TMEM254: variants seen among roughly 807,000 people sequenced by gnomAD.
The protein encoded by TMEM254 is transmembrane protein C10orf57.
TMEM254 carries 16 observed loss-of-function variants against 13.9 expected under a neutral mutation model. That is an observed-to-expected ratio of 1.15 (90% CI 0.78 to 1.75). The LOEUF is 1.75. Ranked by LOEUF, TMEM254 falls within the 40% of genes most tolerant of loss-of-function variation. TMEM254 has a pLI of 0.00. For synonymous variants in TMEM254, 61 were observed against 56.4 expected (o/e 1.08, Z -0.36); for missense variants, 155 against 149.0 (o/e 1.04, Z -0.21).
At chr10:80,079,306 A>C (rs973365947) in intron 1 of TMEM254, 8 of 1,201,770 alleles carry the variant, frequency 6.7e-6, no homozygotes, top group Non-Finnish European at 8.5e-6. Context: ...TCGGTTACTC[A>C]TGTAAGCGGA....
chr10:80,087,792 G>T (rs1844387369), intron 3 of TMEM254, among the ~76,000 whole-genome samples: 1 of 152,080 alleles, frequency 6.6e-6, no homozygotes, highest in African/African-American at 2.4e-5. Flanking sequence ...CTCTTCAAAT[G>T]GGCTGTCTGT....
chr10:80,088,829 C>T (rs1844441077), intron 3 of TMEM254, among the ~76,000 whole-genome samples: 1 of 151,342 alleles, frequency 6.6e-6, no homozygotes, highest in African/African-American at 2.4e-5. Flanking sequence ...AACTCCTGGG[C>T]TCAAGCGATC....
chr10:80,090,559 T>C, intron 3 of TMEM254: 1 of 647,772 alleles, frequency 1.5e-6, no homozygotes, highest in Middle Eastern at 2.7e-4. Context: ...TACTGTGCCC[T>C]AGACAGTAGC....
intron 3 of TMEM254, chr10:80,086,094 T>C (rs1188465432): frequency 1.1e-5 from 5 of 468,106 alleles, no homozygotes; most frequent in Non-Finnish European, 1.8e-5. Context: ...GTATCAGAGG[T>C]AACATTTTTT....
intron 1 of TMEM254, 23 bp from the exon 2 acceptor site, chr10:80,081,818 C>G (rs371644463): frequency 1.1e-5 from 18 of 1,613,914 alleles, no homozygotes; most frequent in Middle Eastern, 1.7e-4. Flanking sequence ...AATAGGTATT[C>G]TGTGTCTCTG....
At position 80,091,178 on chromosome 10, in the gene TMEM254, C is replaced by T. The variant is rs1844562913; in HGVS notation, c.*261C>T. ...TTTGGCAGAGGACTTCAGCTACCTT[C>T]TTACAGTCTTTGGCTGTGTTGGTAC... is the stretch of plus-strand genomic sequence containing the variant. On this transcript the variant is annotated 3_prime_UTR_variant, in exon 4 of 4. Transcript: ENST00000372281. 2 of 335,324 alleles carry T rather than the reference C, an allele frequency of 6.0e-6. No individual in the cohort carries two copies. Among genetic ancestry groups the T allele is most frequent in the African/African-American group, 4.3e-5 (2 of 46,452 alleles). 20.8% of individuals were successfully genotyped at this position (335,324 alleles called of 1,614,324 possible).
intron 1 of TMEM254, among the ~76,000 whole-genome samples, chr10:80,080,869 C>A (rs532536224): frequency 1.4e-4 from 21 of 152,136 alleles, no homozygotes; most frequent in Non-Finnish European, 2.6e-4. Flanking sequence ...CACCTGATGT[C>A]AGGAGTTGGA....
intron 3 of TMEM254, among the ~76,000 whole-genome samples, chr10:80,088,756 A>G (rs1281054880): frequency 7.4e-6 from 1 of 135,564 alleles, no homozygotes; most frequent in Non-Finnish European, 1.6e-5. Context: ...CGACAGAGCA[A>G]GACTCCGTCT....
chr10:80,089,613 G>A (rs1161409036), intron 3 of TMEM254, among the ~76,000 whole-genome samples: 3 of 152,164 alleles, frequency 2.0e-5, no homozygotes, highest in African/African-American at 4.8e-5. Context: ...AGGAGTTTGA[G>A]GCTGCAGTGA....
At chr10:80,079,839 C>A in intron 1 of TMEM254, 1 of 386,236 alleles carries the variant, frequency 2.6e-6, no homozygotes, top group Non-Finnish European at 3.5e-6. Flanking sequence ...TTACCTGTAG[C>A]TGGGATTACA....
At chr10:80,079,043 T>C in intron 1 of TMEM254, 7 of 1,498,470 alleles carry the variant, frequency 4.7e-6, no homozygotes, top group Non-Finnish European at 6.3e-6. Flanking sequence ...CGGGGACGGC[T>C]GGGGAGCTCC....
intron 3 of TMEM254, among the ~76,000 whole-genome samples, chr10:80,088,366 G>T (rs919726367): frequency 6.6e-6 from 1 of 151,944 alleles, no homozygotes; most frequent in African/African-American, 2.4e-5. Flanking sequence ...AAAAAATAAA[G>T]ATGTTGAGAT....
chr10:80,085,870 T>G (rs1450981354), intron 3 of TMEM254, among the ~76,000 whole-genome samples: 2 of 152,212 alleles, frequency 1.3e-5, no homozygotes, highest in African/African-American at 4.8e-5. Context: ...AATATATGGC[T>G]TATTCTCTTA....
chr10:80,087,488 CAA>C (rs34380847), intron 3 of TMEM254, among the ~76,000 whole-genome samples: 4 of 136,012 alleles, frequency 2.9e-5, no homozygotes, highest in African/African-American at 5.5e-5. Flanking sequence ...ACTAAAAATA[CAA>C]AAAAAAAAAA....
intron 1 of TMEM254, 125 bp downstream of exon 1, chr10:80,078,911 C>T (rs1220532449): frequency 1.3e-6 from 2 of 1,523,934 alleles, no homozygotes; most frequent in Non-Finnish European, 1.8e-6. Flanking sequence ...CTCCCGCGCG[C>T]TAGGAGCGGA....
At chr10:80,079,884 C>G (rs1306285457) in intron 1 of TMEM254, among the ~76,000 whole-genome samples, 1 of 152,266 alleles carries the variant, frequency 6.6e-6, no homozygotes, top group South Asian at 2.1e-4. Context: ...TTTTAGTAGA[C>G]ATGGGTATTG....
chr10:80,090,971 G>A lies in TMEM254; in HGVS notation c.*54G>A, dbSNP rs906840212. The A allele has an allele frequency of 5.0e-5, 80 of 1,597,006 alleles. 1 individual carries two copies. Among genetic ancestry groups the A allele is most frequent in the Middle Eastern group, 3.3e-4 (2 of 5,998 alleles). On this transcript the variant is annotated 3_prime_UTR_variant, in exon 4 of 4. Coordinates refer to ENST00000372281, the MANE Select transcript of TMEM254 (RefSeq NM_025125.4). ...TACATTCATCCTCACCCTTTTTTTT[G>A]TGGGGTAGAGGAGGTGCAGTAATTT...
Position 80,090,808 on chromosome 10 carries a change from T to A in TMEM254, c.263T>A (p.Ile88Asn). 1 of 1,613,596 alleles carries A rather than the reference T, an allele frequency of 6.2e-7. No individual in the cohort carries two copies. Among genetic ancestry groups the A allele is most frequent in the Non-Finnish European group, 8.5e-7 (1 of 1,179,888 alleles). ...TTTTTCTGTTTTAGGCATAAAGGCA[T>A]CACAAGTGGTCGGGCTCAGCTACTC... ...YAIVLCKHKG[I>N]TSGRAQLLWF... is the part of the protein sequence containing the mutation. The change falls in exon 4 of 4, where the codon ATC (isoleucine) becomes AAC (asparagine). Residue 88 changes from isoleucine (I) to asparagine (N), a missense_variant. Physicochemically the swap from Ile to Asn is moderately radical, Grantham distance 149 (BLOSUM62 -3). Coordinates refer to ENST00000372281, the MANE Select transcript of TMEM254 (RefSeq NM_025125.4).
intron 1 of TMEM254, chr10:80,079,603 C>G: frequency 1.0e-6 from 1 of 987,360 alleles, no homozygotes; most frequent in Non-Finnish European, 1.2e-6. Context: ...GGTGTGGAAG[C>G]AAGAAGAAAG....
Sources: allele counts gnomAD v4.1 joint callset (sites outside exome capture counted in the v4.1 genomes callset), GRCh38; gene constraint gnomAD v4.1.1; transcripts MANE v1.5; gene names NCBI Gene and HGNC (gene_info 2026-07-23, HGNC 2026-07-21).